Variants in PIGK observed in about 807,000 individuals in gnomAD.
PIGK encodes GPI-anchor transamidase.
In PIGK, 42 loss-of-function variants were observed where a neutral mutation model predicts 50.6. The ratio of observed to expected loss-of-function variants is 0.83; its 90% CI spans 0.65 to 1.07. PIGK has a LOEUF of 1.07. PIGK is among the 50% of genes least tolerant of loss of function. The probability of loss-of-function intolerance (pLI) is 0.00; values close to 1 mark genes in which losing one functional copy is unlikely to be tolerated. For missense variants in PIGK, 448 were observed against 488.7 expected (o/e 0.92, Z 0.78); for synonymous variants, 151 against 156.0 (o/e 0.97, Z 0.24).
chr1:77,162,694 TA>T (rs756691764), intron 6 of PIGK, among the ~76,000 whole-genome samples: 2 of 152,160 alleles, frequency 1.3e-5, no homozygotes, highest in Non-Finnish European at 2.9e-5. Context: ...TGGGTCTAGG[TA>T]AACAGCTAAC....
intron 10 of PIGK, among the ~76,000 whole-genome samples, chr1:77,100,718 T>C (rs1299434199): frequency 2.0e-5 from 3 of 152,110 alleles, no homozygotes; most frequent in Non-Finnish European, 4.4e-5. Context: ...GGTCTAGATA[T>C]CAGAGATTGA....
At chr1:77,111,335 T>C (rs1390883005) in intron 10 of PIGK, among the ~76,000 whole-genome samples, 1 of 152,038 alleles carries the variant, frequency 6.6e-6, no homozygotes, top group East Asian at 1.9e-4. Flanking sequence ...CTATTCACAA[T>C]AGCAAAGACT....
At chr1:77,203,045 A>G (rs185082094) in intron 3 of PIGK, among the ~76,000 whole-genome samples, 15 of 152,280 alleles carry the variant, frequency 9.9e-5, no homozygotes, top group African/African-American at 3.6e-4. Context: ...AGATATGTAT[A>G]TTTTTTCATA....
chr1:77,094,202 T>C (rs1239698299), intron 10 of PIGK, among the ~76,000 whole-genome samples: 1 of 152,274 alleles, frequency 6.6e-6, no homozygotes, highest in Non-Finnish European at 1.5e-5. Flanking sequence ...GAAGCACATT[T>C]TATACAACCT....
chr1:77,139,716 CACTT>C, intron 9 of PIGK, among the ~76,000 whole-genome samples: 1 of 152,278 alleles, frequency 6.6e-6, no homozygotes, highest in Non-Finnish European at 1.5e-5. Flanking sequence ...TGTCTCTACA[CACTT>C]ACTTTCTTGG....
intron 9 of PIGK, among the ~76,000 whole-genome samples, chr1:77,137,531 T>C (rs1010592329): frequency 6.6e-6 from 1 of 152,242 alleles, no homozygotes; most frequent in Non-Finnish European, 1.5e-5. Context: ...TTCTTTATCA[T>C]GTAATCCTTG....
chr1:77,148,494 CT>C (rs1654819596), intron 9 of PIGK, among the ~76,000 whole-genome samples: 1 of 152,152 alleles, frequency 6.6e-6, no homozygotes, highest in Non-Finnish European at 1.5e-5. Context: ...ATTTTTGCTA[CT>C]GTGCTAATAC....
chr1:77,215,646 T>C (rs1656541459), intron 1 of PIGK, among the ~76,000 whole-genome samples: 1 of 152,144 alleles, frequency 6.6e-6, no homozygotes, highest in Non-Finnish European at 1.5e-5. Context: ...CTATTCACAA[T>C]AACCAAGATA....
chr1:77,218,952 T>C (rs1014276873), intron 1 of PIGK, among the ~76,000 whole-genome samples: 1 of 152,186 alleles, frequency 6.6e-6, no homozygotes, highest in Non-Finnish European at 1.5e-5. Flanking sequence ...ATCTCTCCAG[T>C]TCCGTCTGAC....
rs1278378873 is a variant in PIGK at position 77,116,581 on chromosome 1, TGTGTGTGTGTGTGTGCGC to T, written c.1071+5676_1071+5693del. Among the ~76,000 whole-genome samples, 331 of 107,184 alleles carry T rather than the reference TGTGTGTGTGTGTGTGCGC, an allele frequency of 3.1e-3. 1 individual carries two copies. The highest frequency in any genetic ancestry group is 0.013 in the African/African-American group (258 of 20,144). 70.3% of individuals were successfully genotyped at this position (107,184 alleles called of 152,430 possible). ...GTGTCTCTGTGTGTGTGTGTGTGTG[TGTGTGTGTGTGTGTGCGC>T]GTGTGTGTGTGTGTGTATGCTTGCT... On this transcript the variant is annotated intron_variant, in intron 10 of 10. Transcript: ENST00000370812.
intron 10 of PIGK, among the ~76,000 whole-genome samples, chr1:77,115,868 T>C (rs1341576316): frequency 1.3e-5 from 2 of 152,078 alleles, no homozygotes; most frequent in Non-Finnish European, 2.9e-5. Flanking sequence ...CAGAGGGGCA[T>C]TAAAAATAGA....
intron 9 of PIGK, among the ~76,000 whole-genome samples, chr1:77,122,731 C>G (rs1654130527): frequency 6.6e-6 from 1 of 152,174 alleles, no homozygotes; most frequent in African/African-American, 2.4e-5. Context: ...AACCCTTTCT[C>G]TATTTAACAG....
chr1:77,103,676 C>T (rs1248981445), intron 10 of PIGK, among the ~76,000 whole-genome samples: 1 of 152,158 alleles, frequency 6.6e-6, no homozygotes, highest in Non-Finnish European at 1.5e-5. Flanking sequence ...GGCAGTCTTC[C>T]TGAGTGGAAG....
chr1:77,191,679 A>T (rs565398940), intron 3 of PIGK, among the ~76,000 whole-genome samples: 2 of 152,146 alleles, frequency 1.3e-5, no homozygotes, highest in Non-Finnish European at 2.9e-5. Flanking sequence ...TCATTAAAGA[A>T]CTCAGATGTC....
At chr1:77,122,995 A>C (rs965289029) in intron 9 of PIGK, among the ~76,000 whole-genome samples, 1 of 152,122 alleles carries the variant, frequency 6.6e-6, no homozygotes, top group African/African-American at 2.4e-5. Flanking sequence ...ATGTTTATTG[A>C]CTGAATAATA....
chr1:77,188,393 T>C (rs548070400), intron 3 of PIGK, among the ~76,000 whole-genome samples: 2 of 152,304 alleles, frequency 1.3e-5, no homozygotes, highest in East Asian at 1.9e-4. Flanking sequence ...CAGTCTCCCA[T>C]AGCACTCCCA....
At chr1:77,193,374 A>T (rs565705998) in intron 3 of PIGK, among the ~76,000 whole-genome samples, 6 of 152,168 alleles carry the variant, frequency 3.9e-5, no homozygotes, top group Admixed American at 3.9e-4. Flanking sequence ...CTTTGCGTAG[A>T]AGTTACATGC....
intron 3 of PIGK, among the ~76,000 whole-genome samples, chr1:77,175,358 T>C (rs111374864): frequency 5.9e-4 from 90 of 152,306 alleles, no homozygotes; most frequent in Non-Finnish European, 1.1e-3. Flanking sequence ...GTAAAATAAC[T>C]GGTTGGTTAA....
intron 9 of PIGK, among the ~76,000 whole-genome samples, chr1:77,146,505 T>A (rs1005146133): frequency 2.0e-5 from 3 of 151,536 alleles, no homozygotes; most frequent in Admixed American, 1.3e-4. Context: ...CTAAAAAAAA[T>A]GTAAAAGAGG....
Sources: gnomAD v4.1 joint callset for allele counts (sites outside exome capture counted in the v4.1 genomes callset) on GRCh38, gnomAD v4.1.1 for gene constraint, MANE v1.5 for transcripts, NCBI Gene and HGNC (gene_info 2026-07-23, HGNC 2026-07-21) for gene names.